C20orf203: variants seen among roughly 807,000 people sequenced by gnomAD.
C20orf203 encodes the protein uncharacterized protein C20orf203.
A neutral mutation model predicts 15.9 loss-of-function variants in C20orf203; 16 were observed. The observed-to-expected ratio is 1.01, with a 90% CI of 0.68 to 1.53. The LOEUF (loss-of-function observed/expected upper bound fraction) is 1.53, where lower values mean the gene tolerates loss of function less well. C20orf203 is among the 40% of genes most tolerant of loss of function. C20orf203 has a pLI of 0.00. For synonymous variants in C20orf203, 98 were observed against 97.2 expected (o/e 1.01, Z -0.05); for missense variants, 263 against 247.5 (o/e 1.06, Z -0.42).
At chr20:32,638,908 A>G (rs1568745276) in intron 5 of C20orf203, among the ~76,000 whole-genome samples, 1 of 152,204 alleles carries the variant, frequency 6.6e-6, no homozygotes, top group East Asian at 1.9e-4. Flanking sequence ...TACCAAGTGT[A>G]TATTCTGTGT....
chr20:32,652,941 T>A (rs1342205207), intron 1 of C20orf203, among the ~76,000 whole-genome samples: 3 of 152,066 alleles, frequency 2.0e-5, no homozygotes, highest in African/African-American at 7.2e-5. Context: ...CCTCCGTCAC[T>A]CCCTTCCTGG....
chr20:32,635,826 C>G (rs952755567), intron 5 of C20orf203, among the ~76,000 whole-genome samples: 5 of 152,160 alleles, frequency 3.3e-5, no homozygotes, highest in African/African-American at 1.2e-4. Context: ...TTTTCAGAGA[C>G]AGATTCTAGG....
chr20:32,662,068 C>T (rs6058792), intron 1 of C20orf203, among the ~76,000 whole-genome samples: 195 of 152,312 alleles, frequency 1.3e-3, no homozygotes, highest in African/African-American at 4.5e-3. Flanking sequence ...TTCCACCACC[C>T]GCTCACGCCC....
chr20:32,664,282 C>T (rs1173594232), intron 1 of C20orf203, among the ~76,000 whole-genome samples: 2 of 152,248 alleles, frequency 1.3e-5, no homozygotes, highest in Non-Finnish European at 2.9e-5. Flanking sequence ...CCAGGCCGGC[C>T]TCCTGCCGGG....
chr20:32,650,850 T>G lies in C20orf203; in HGVS notation c.167A>C (p.His56Pro). 2.7e-6 allele frequency: 4 copies of G among 1,464,064 alleles called. No homozygotes were observed. The highest frequency in any genetic ancestry group is 3.6e-6 in the Non-Finnish European group (4 of 1,105,780). The allele number at this position is 1,464,064 out of a possible 1,614,324, so 90.7% of individuals were successfully genotyped here. ...CGCCCCACCGCCAAGGTCCCAGAGG[T>G]GGGCAGTGAGTCCAGCCAAGACTGA... Reference protein sequence around the residue: ...ATSVLAGLTAHLWDLGGGAGR... With the variant: ...ATSVLAGLTAPLWDLGGGAGR... The change falls in exon 4 of 6, where the codon CAC (histidine) becomes CCC (proline). Residue 56 changes from histidine (H) to proline (P), a missense_variant. Transcript: ENST00000608990.
At chr20:32,658,557 G>A (rs1382902508) in intron 1 of C20orf203, among the ~76,000 whole-genome samples, 2 of 151,628 alleles carry the variant, frequency 1.3e-5, no homozygotes, top group Non-Finnish European at 2.9e-5. Flanking sequence ...CCTCCCAAAG[G>A]GCTGGGATTA....
chr20:32,648,875 A>G (rs1361597530), intron 4 of C20orf203, among the ~76,000 whole-genome samples: 1 of 152,132 alleles, frequency 6.6e-6, no homozygotes, highest in Non-Finnish European at 1.5e-5. Flanking sequence ...TTACCTAACC[A>G]TGGTAAGTGG....
chr20:32,643,480 A>T (rs1378835934), intron 4 of C20orf203, among the ~76,000 whole-genome samples: 1 of 152,146 alleles, frequency 6.6e-6, no homozygotes, highest in African/African-American at 2.4e-5. Flanking sequence ...GGCTGTGTGG[A>T]GGACGGGAAA....
At chr20:32,648,606 A>AGT (rs1982505291) in intron 4 of C20orf203, among the ~76,000 whole-genome samples, 1 of 96,828 alleles carries the variant, frequency 1.0e-5, no homozygotes, top group African/African-American at 4.8e-5. Flanking sequence ...AAATCTGGCT[A>AGT]ATTTTTTTTT....
rs1292268533 is a variant in C20orf203, at chr20:32,634,148, A to C, written c.*1422T>G. 7.5e-5 allele frequency: 30 copies of C among 398,456 alleles called. No individual in the cohort carries two copies. The highest frequency in any genetic ancestry group is 3.5e-5 in the Non-Finnish European group (8 of 226,108). 24.7% of individuals were successfully genotyped at this position (398,456 alleles called of 1,614,324 possible). A position where few individuals can be genotyped will look rare whatever the true frequency, so the allele number is the denominator to read the frequency against. On this transcript the variant is annotated 3_prime_UTR_variant, in exon 6 of 6. Coordinates refer to ENST00000608990, the MANE Select transcript of C20orf203 (RefSeq NM_182584.4). ...TGGCACTTGTTACCCAGAGACCCAGAGAGATGCAGCTCTGATGGAGATGGC... is the reference window on the plus strand; with the variant it reads ...TGGCACTTGTTACCCAGAGACCCAGCGAGATGCAGCTCTGATGGAGATGGC...
chr20:32,643,100 G>T (rs1376392250), intron 4 of C20orf203, among the ~76,000 whole-genome samples: 1 of 152,118 alleles, frequency 6.6e-6, no homozygotes, highest in African/African-American at 2.4e-5. Flanking sequence ...GGTGCACCTC[G>T]GCCCAGTGCT....
intron 1 of C20orf203, among the ~76,000 whole-genome samples, chr20:32,667,424 G>A (rs1568756251): frequency 6.6e-6 from 1 of 152,228 alleles, no homozygotes; most frequent in Non-Finnish European, 1.5e-5. Flanking sequence ...AGGGAATACT[G>A]ACAAGGCTGT....
intron 4 of C20orf203, among the ~76,000 whole-genome samples, chr20:32,646,398 G>A (rs996097932): frequency 2.0e-5 from 3 of 152,024 alleles, no homozygotes; most frequent in Non-Finnish European, 4.4e-5. Flanking sequence ...TAGAGATGGG[G>A]TTTCACCATG....
chr20:32,664,027 T>C (rs896229482), intron 1 of C20orf203, among the ~76,000 whole-genome samples: 3 of 152,222 alleles, frequency 2.0e-5, no homozygotes, highest in African/African-American at 7.2e-5. Context: ...TTGGGATGGC[T>C]GAGTGCAGCA....
In C20orf203 at chr20:32,650,566, C is replaced by A. The variant is rs922950492; in HGVS notation, c.451G>T (p.Ala151Ser). The A allele has an allele frequency of 1.3e-6, 2 of 1,549,172 alleles. No homozygotes were observed. Among genetic ancestry groups the A allele is most frequent in the Non-Finnish European group, 1.7e-6 (2 of 1,145,678 alleles). Reference sequence around the variant, plus strand: ...GAGGTCCAGGCCAGCGAGGACAGAGCTTGGCCAAAGTCCCCCACCGTGCCC... The same window carrying A: ...GAGGTCCAGGCCAGCGAGGACAGAGATTGGCCAAAGTCCCCCACCGTGCCC... ...RMGTVGDFGQ[A>S]LSSLAWTSTC... The change falls in exon 4 of 6, where the codon GCT (alanine) becomes TCT (serine). Residue 151 changes from alanine to serine, a missense_variant. By Grantham distance (99) the Ala-to-Ser change is moderately conservative. Transcript: ENST00000608990.
intron 5 of C20orf203, among the ~76,000 whole-genome samples, chr20:32,639,955 G>C (rs1326886914): frequency 6.6e-6 from 1 of 152,188 alleles, no homozygotes; most frequent in African/African-American, 2.4e-5. Flanking sequence ...GCCGTTCGTG[G>C]GCGGCCTGCT....
chr20:32,645,471 G>T (rs546509310), intron 4 of C20orf203, among the ~76,000 whole-genome samples: 2 of 152,178 alleles, frequency 1.3e-5, no homozygotes, highest in African/African-American at 2.4e-5. Flanking sequence ...CCCCTGGGGG[G>T]ATATTCTCCC....
chr20:32,656,880 A>G, intron 1 of C20orf203: 1 of 152,098 alleles, frequency 6.6e-6, no homozygotes, highest in Non-Finnish European at 1.5e-5. Context: ...AAAATCTTAC[A>G]TGACTAGTCA....
At chr20:32,666,137 A>T (rs938145508) in intron 1 of C20orf203, among the ~76,000 whole-genome samples, 1 of 142,822 alleles carries the variant, frequency 7.0e-6, no homozygotes, top group African/African-American at 2.6e-5. Context: ...TGTCTCAATA[A>T]AAAATAAATA....
Sources: allele counts gnomAD v4.1 joint callset (sites outside exome capture counted in the v4.1 genomes callset), GRCh38; gene constraint gnomAD v4.1.1; transcripts MANE v1.5; gene names NCBI Gene and HGNC (gene_info 2026-07-23, HGNC 2026-07-21).